The following KIF26B variants were observed in gnomAD, a reference collection of about 807,000 sequenced individuals.
KIF26B encodes the protein kinesin family member 26B.
In KIF26B, 63 loss-of-function variants were observed where a neutral mutation model predicts 151.2. The ratio of observed to expected loss-of-function variants is 0.42; its 90% CI spans 0.34 to 0.51. The LOEUF (loss-of-function observed/expected upper bound fraction) is 0.51, where lower values mean the gene tolerates loss of function less well. Among genes scored for constraint, KIF26B ranks in the 20% least tolerant of loss-of-function variants. The pLI, the probability that KIF26B is intolerant of heterozygous loss-of-function variation, is 0.07. For synonymous variants in KIF26B, 1,357 were observed against 1,262.1 expected (o/e 1.08, Z -1.59); for missense variants, 2,813 against 2,913.6 (o/e 0.97, Z 0.79).
At chr1:245,182,192 C>T (rs959395861) in intron 2 of KIF26B, among the ~76,000 whole-genome samples, 2 of 152,188 alleles carry the variant, frequency 1.3e-5, no homozygotes, top group African/African-American at 4.8e-5. Flanking sequence ...ACATTTCTGT[C>T]ACTCCACAAG....
chr1:245,678,628 C>T (rs964026410), intron 10 of KIF26B, among the ~76,000 whole-genome samples: 1 of 152,002 alleles, frequency 6.6e-6, no homozygotes, highest in Admixed American at 6.5e-5. Flanking sequence ...CTTTGGGAGG[C>T]CAAGGAGGGA....
intron 10 of KIF26B, among the ~76,000 whole-genome samples, chr1:245,659,654 A>G (rs1308157607): frequency 6.6e-6 from 1 of 152,198 alleles, no homozygotes; most frequent in Non-Finnish European, 1.5e-5. Context: ...CACCAGTAGG[A>G]CAGAGGAAAA....
At chr1:245,177,045 C>G (rs1225651743) in intron 2 of KIF26B, among the ~76,000 whole-genome samples, 1 of 152,214 alleles carries the variant, frequency 6.6e-6, no homozygotes, top group Admixed American at 6.5e-5. Context: ...AGCCTCAACT[C>G]TCTGGCTCAA....
At chr1:245,484,828 G>A (rs982530624) in intron 4 of KIF26B, among the ~76,000 whole-genome samples, 52 of 150,780 alleles carry the variant, frequency 3.4e-4, no homozygotes, top group Non-Finnish European at 6.8e-4. Flanking sequence ...GCTCCCAAGA[G>A]AGTCGATTTG....
chr1:245,299,615 G>A (rs1671396165), intron 2 of KIF26B, among the ~76,000 whole-genome samples: 1 of 152,122 alleles, frequency 6.6e-6, no homozygotes, highest in South Asian at 2.1e-4. Context: ...AGTTCAGCAG[G>A]TGTCCCCATC....
At chr1:245,263,922 G>T (rs7537661) in intron 2 of KIF26B, among the ~76,000 whole-genome samples, 4 of 152,128 alleles carry the variant, frequency 2.6e-5, no homozygotes, top group Non-Finnish European at 5.9e-5. Context: ...GCTTTCTCAC[G>T]CTGAGCCTTT....
chr1:245,433,781 G>A (rs984129852), intron 4 of KIF26B, among the ~76,000 whole-genome samples: 1 of 152,028 alleles, frequency 6.6e-6, no homozygotes, highest in African/African-American at 2.4e-5. Context: ...CTGAGATTCC[G>A]GAAATATAAT....
At position 245,239,226 on chromosome 1, in the gene KIF26B, A is replaced by G. The variant is rs551283796; in HGVS notation, c.465+82543A>G. On this transcript the variant is annotated intron_variant, in intron 2 of 14. Transcript: ENST00000407071. This position sits in a 1 kb window ranked among gnomAD's most constrained non-coding sequence, Gnocchi z 4.3. ...GAGAATGCCTCCATGTTCTTCCGTC[A>G]TCCGTGCAGATATCAGGCTGCAGTC... Among the ~76,000 whole-genome samples, 1 of 152,300 alleles carries G rather than the reference A, an allele frequency of 6.6e-6. No homozygotes were observed. The highest frequency in any genetic ancestry group is 1.5e-5 in the Non-Finnish European group (1 of 68,026).
At chr1:245,569,974 C>T (rs1338823404) in intron 5 of KIF26B, among the ~76,000 whole-genome samples, 2 of 106,912 alleles carry the variant, frequency 1.9e-5, no homozygotes, top group Non-Finnish European at 3.4e-5. Context: ...CTTGCTCTGT[C>T]GCCCAGGCTG....
chr1:245,499,415 G>A (rs945655319), intron 4 of KIF26B, among the ~76,000 whole-genome samples: 1 of 152,164 alleles, frequency 6.6e-6, no homozygotes, highest in South Asian at 2.1e-4. Flanking sequence ...GGGCAAAGCC[G>A]AATAAGGGTG....
chr1:245,267,022 C>G (rs1455176966), intron 2 of KIF26B, among the ~76,000 whole-genome samples: 2 of 152,236 alleles, frequency 1.3e-5, no homozygotes, highest in Non-Finnish European at 1.5e-5. Flanking sequence ...TTCTTCTCCA[C>G]AGTGCATATG....
At chr1:245,699,110 G>C (rs377315891) in intron 14 of KIF26B, 73 bp downstream of exon 14, 1 of 1,476,134 alleles carries the variant, frequency 6.8e-7, no homozygotes, top group Admixed American at 1.8e-5. Flanking sequence ...GTGTAGCCCA[G>C]GGTGACAGTG....
intron 4 of KIF26B, among the ~76,000 whole-genome samples, chr1:245,430,040 G>T (rs576350584): frequency 4.6e-5 from 7 of 152,332 alleles, no homozygotes; most frequent in African/African-American, 1.7e-4. Context: ...CTCACTGAAG[G>T]CCAGCAAGCT....
intron 5 of KIF26B, among the ~76,000 whole-genome samples, chr1:245,553,490 C>T (rs1361070749): frequency 6.6e-6 from 1 of 152,202 alleles, no homozygotes; most frequent in African/African-American, 2.4e-5. Context: ...CTTCCCTCAT[C>T]ATCTCAGATA....
intron 4 of KIF26B, among the ~76,000 whole-genome samples, chr1:245,504,372 C>CTCCCTCCT (rs147799764): frequency 7.1e-5 from 10 of 141,770 alleles, no homozygotes; most frequent in South Asian, 4.8e-4. Flanking sequence ...CTCTTTCTCC[C>CTCCCTCCT]TCCCTCCTTC....
chr1:245,660,617 A>G (rs1053842823), intron 10 of KIF26B, among the ~76,000 whole-genome samples: 18 of 152,118 alleles, frequency 1.2e-4, no homozygotes, highest in Non-Finnish European at 1.0e-4. Context: ...CTGGGATTAC[A>G]GGCATGAGCC....
intron 2 of KIF26B, among the ~76,000 whole-genome samples, chr1:245,288,056 T>C (rs5013983): frequency 0.59 from 89,945 of 151,636 alleles, 27,035 homozygotes; most frequent in East Asian, 0.7. Flanking sequence ...AAATTATTTT[T>C]TTTCATATTT....
intron 4 of KIF26B, among the ~76,000 whole-genome samples, chr1:245,506,143 G>A (rs1660724692): frequency 6.6e-6 from 1 of 152,090 alleles, no homozygotes; most frequent in Admixed American, 6.5e-5. Context: ...TATAAGCGGG[G>A]AATAAAGAAA....
At chr1:245,655,387 AT>A (rs1384081558) in intron 10 of KIF26B, among the ~76,000 whole-genome samples, 1 of 152,242 alleles carries the variant, frequency 6.6e-6, no homozygotes, top group African/African-American at 2.4e-5. Flanking sequence ...TCTTCTGTGC[AT>A]TCCTTGACTT....
Sources: gnomAD v4.1 joint callset for allele counts (sites outside exome capture counted in the v4.1 genomes callset) on GRCh38, gnomAD v4.1.1 for gene constraint, Gnocchi (gnomAD v3.1) non-coding constraint, MANE v1.5 for transcripts, NCBI Gene and HGNC (gene_info 2026-07-23, HGNC 2026-07-21) for gene names.